The following WDFY3 variants were observed in gnomAD, a reference collection of about 807,000 sequenced individuals.
WDFY3 encodes the protein WD repeat and FYVE domain-containing protein 3.
In WDFY3, 66 loss-of-function variants were observed where a neutral mutation model predicts 409.6. The observed-to-expected ratio is 0.16, with a 90% CI of 0.13 to 0.20. The LOEUF is 0.20. Among genes scored for constraint, WDFY3 ranks in the 10% least tolerant of loss-of-function variants. The pLI is 1.00. For missense variants in WDFY3, 3,031 were observed against 4,298.1 expected, an observed-to-expected ratio of 0.71 and a Z score of 8.24; for synonymous variants, 1,521 against 1,537.1, an observed-to-expected ratio of 0.99 and a Z score of 0.25.
intron 4 of WDFY3, among the ~76,000 whole-genome samples, chr4:84,859,085 A>T (rs1349115404): frequency 6.6e-6 from 1 of 152,104 alleles, no homozygotes; most frequent in African/African-American, 2.4e-5. Context: ...CAGAGAAAGG[A>T]GGAGGAAAAA....
chr4:84,741,100 TAA>T (rs1738329699), intron 38 of WDFY3, among the ~76,000 whole-genome samples: 1 of 152,206 alleles, frequency 6.6e-6, no homozygotes, highest in African/African-American at 2.4e-5. Context: ...ATTCAACTGA[TAA>T]GAGAATATTC....
chr4:84,942,017 C>T (rs540942035), intron 1 of WDFY3, among the ~76,000 whole-genome samples: 2 of 152,060 alleles, frequency 1.3e-5, no homozygotes, highest in African/African-American at 4.8e-5. Flanking sequence ...TCAGTCAACC[C>T]ACACATCACA....
chr4:84,748,899 TG>T (rs1739989042), intron 36 of WDFY3, among the ~76,000 whole-genome samples: 2 of 152,064 alleles, frequency 1.3e-5, no homozygotes, highest in Admixed American at 6.6e-5. Context: ...TTTTTTTTTT[TG>T]AGACAGGGTC....
At chr4:84,943,841 A>T (rs1772458302) in intron 1 of WDFY3, among the ~76,000 whole-genome samples, 1 of 152,236 alleles carries the variant, frequency 6.6e-6, no homozygotes, top group Non-Finnish European at 1.5e-5. Flanking sequence ...ACCAGTCATG[A>T]GCCATTCATT....
rs114571956 is a variant in WDFY3, at chr4:84,685,899, A to C, written c.9544-1774T>G. 8.4e-3 allele frequency among the ~76,000 whole-genome samples: 1,274 copies of C among 152,310 alleles called. 23 individuals are homozygous for C. Among genetic ancestry groups the C allele is most frequent in the African/African-American group, 0.029 (1,203 of 41,558 alleles). ...TAAGTTAAGAACAACCCCAAAACAA[A>C]GTGCTCCAAATAATTGATTAAGCAT... On this transcript the variant is annotated intron_variant, in intron 62 of 67. Coordinates refer to ENST00000295888, the MANE Select transcript of WDFY3 (RefSeq NM_014991.6).
At chr4:84,742,154 T>C (rs1200020310) in intron 37 of WDFY3, among the ~76,000 whole-genome samples, 1 of 152,196 alleles carries the variant, frequency 6.6e-6, no homozygotes, top group African/African-American at 2.4e-5. Context: ...TGGAGTCTCC[T>C]ATTGCCTAAA....
intron 47 of WDFY3, among the ~76,000 whole-genome samples, chr4:84,719,860 A>G (rs544838808): frequency 2.0e-5 from 3 of 152,318 alleles, no homozygotes; most frequent in South Asian, 4.1e-4. Context: ...TTATAGTTAC[A>G]TGATCTTTTC....
At chr4:84,861,954 T>G (rs1760705158) in intron 3 of WDFY3, among the ~76,000 whole-genome samples, 1 of 152,242 alleles carries the variant, frequency 6.6e-6, no homozygotes, top group African/African-American at 2.4e-5. Flanking sequence ...AAGGGCCATT[T>G]ACTTTTTAAT....
chr4:84,778,385 T>G, intron 27 of WDFY3, 118 bp downstream of exon 27: 1 of 927,232 alleles, frequency 1.1e-6, no homozygotes, highest in Non-Finnish European at 1.5e-6. Flanking sequence ...GATATTAACA[T>G]GAACATCATA....
intron 2 of WDFY3, among the ~76,000 whole-genome samples, chr4:84,900,110 C>T (rs1048115584): frequency 2.0e-5 from 3 of 152,136 alleles, no homozygotes; most frequent in Non-Finnish European, 4.4e-5. Flanking sequence ...AAAACTTACA[C>T]ACAAAAGTTT....
Position 84,829,000 on chromosome 4 carries a change from T to C in WDFY3, c.956+4A>G. ...AAATACATTCTTAAATTGAGCAGTC[T>C]TACCTAAGCAAGAGATCACAAAGAA... On this transcript the variant is annotated splice_donor_region_variant and intron_variant, in intron 9 of 67. Coordinates refer to ENST00000295888, the MANE Select transcript of WDFY3 (RefSeq NM_014991.6). 6.2e-7 allele frequency: 1 copy of C among 1,603,898 alleles called. No individual in the cohort carries two copies. The highest frequency in any genetic ancestry group is 2.2e-5 in the East Asian group (1 of 44,702).
chr4:84,962,668 G>A (rs1256934029), intron 1 of WDFY3, among the ~76,000 whole-genome samples: 3 of 150,962 alleles, frequency 2.0e-5, no homozygotes, highest in Non-Finnish European at 4.4e-5. Flanking sequence ...TAAAGTAGGA[G>A]CCATTTCTTT....
intron 2 of WDFY3, among the ~76,000 whole-genome samples, chr4:84,932,065 T>C (rs1449212174): frequency 6.6e-6 from 1 of 152,200 alleles, no homozygotes; most frequent in Admixed American, 6.5e-5. Context: ...TATTCTAATG[T>C]AGCCCTGTTT....
At position 84,759,371 on chromosome 4, in the gene WDFY3, T is replaced by C. The variant is rs533294030; in HGVS notation, c.5189-2210A>G. On this transcript the variant is annotated intron_variant, in intron 32 of 67. Transcript: ENST00000295888. ...CATTGGTAGCTTGATGGGGATGGCA[T>C]TGAATCGATAAATTACCTTGGGCAG... 1.3e-4 allele frequency among the ~76,000 whole-genome samples: 20 copies of C among 152,320 alleles called. No homozygotes were observed. In the East Asian group the frequency reaches 1.9e-3, roughly 15 times the overall value.
At position 84,670,638 on chromosome 4, in the gene WDFY3, A is replaced by G. The variant is rs992913831; in HGVS notation, c.*2230T>C. On this transcript the variant is annotated 3_prime_UTR_variant, in exon 68 of 68. Transcript: ENST00000295888. The stretch of plus-strand genomic sequence containing the variant: ...TTACAAAGAGGAATAACCTTTAAGT[A>G]ACTACACACACACATTCATATATTC... 6.5e-6 allele frequency: 1 copy of G among 152,688 alleles called. No individual in the cohort carries two copies. Among genetic ancestry groups the G allele is most frequent in the Non-Finnish European group, 1.5e-5 (1 of 68,044 alleles). 9.5% of individuals were successfully genotyped at this position (152,688 alleles called of 1,614,324 possible).
chr4:84,825,622 T>C (rs1211651963), intron 10 of WDFY3, among the ~76,000 whole-genome samples: 1 of 152,134 alleles, frequency 6.6e-6, no homozygotes, highest in Non-Finnish European at 1.5e-5. Context: ...ACAACTTATG[T>C]ACTGAGGGCA....
At chr4:84,915,117 G>C (rs915019867) in intron 2 of WDFY3, among the ~76,000 whole-genome samples, 2 of 152,070 alleles carry the variant, frequency 1.3e-5, no homozygotes, top group Admixed American at 6.6e-5. Flanking sequence ...AAAATATCTA[G>C]AACAGGCAAA....
intron 6 of WDFY3, among the ~76,000 whole-genome samples, chr4:84,840,090 C>T (rs1452093713): frequency 6.6e-6 from 1 of 152,066 alleles, no homozygotes; most frequent in Non-Finnish European, 1.5e-5. Flanking sequence ...TTTGAAAGTC[C>T]ACTGTAACTT....
At chr4:84,839,843 A>G (rs1757089781) in intron 6 of WDFY3, among the ~76,000 whole-genome samples, 1 of 152,080 alleles carries the variant, frequency 6.6e-6, no homozygotes, top group Non-Finnish European at 1.5e-5. Context: ...AGGCTGGGTG[A>G]CAGAGCAAGA....
Sources: allele counts gnomAD v4.1 joint callset (sites outside exome capture counted in the v4.1 genomes callset), GRCh38; gene constraint gnomAD v4.1.1; transcripts MANE v1.5; gene names NCBI Gene and HGNC (gene_info 2026-07-23, HGNC 2026-07-21).